The following MEF2A variants were observed in gnomAD, a reference collection of about 807,000 sequenced individuals.
MEF2A encodes myocyte enhancer factor 2A.
MEF2A carries 28 observed loss-of-function variants against 55.8 expected under a neutral mutation model. That is an observed-to-expected ratio of 0.50 (90% CI 0.37 to 0.69). MEF2A has a LOEUF of 0.69. Among genes scored for constraint, MEF2A ranks in the 30% least tolerant of loss-of-function variants. The pLI, the probability that MEF2A is intolerant of heterozygous loss-of-function variation, is 0.00. For missense variants in MEF2A, 528 were observed against 626.2 expected (o/e 0.84, Z 1.67); for synonymous variants, 239 against 227.1 (o/e 1.05, Z -0.47).
chr15:99,653,136 C>A lies in MEF2A; in HGVS notation c.258+7372C>A, dbSNP rs560601509. ...AGAAGTTCATTTAGGGCAGAAGATA[C>A]TAGGTGCTTCCCGTGTTTCTCAATG... is the stretch of plus-strand genomic sequence containing the variant. On this transcript the variant is annotated intron_variant, in intron 4 of 11. Coordinates refer to ENST00000557942, the MANE Select transcript of MEF2A (RefSeq NM_001319206.4). 2.5e-4 allele frequency among the ~76,000 whole-genome samples: 38 copies of A among 152,290 alleles called. 2 individuals carry two copies. The highest frequency in any genetic ancestry group is 2.0e-3 in the Admixed American group (30 of 15,292).
At chr15:99,683,183 C>T (rs2053559590) in intron 7 of MEF2A, among the ~76,000 whole-genome samples, 1 of 152,162 alleles carries the variant, frequency 6.6e-6, no homozygotes, top group Non-Finnish European at 1.5e-5. Flanking sequence ...GGAAATTACT[C>T]TATGGGGTGT....
rs527619230 is a variant in MEF2A, at chr15:99,633,113, A to G, written c.-7A>G. ...GAATATAAGGAAATAAGGAAAGTTG[A>G]CTGAAAATGGGGCGGAAGAAAATAC... On this transcript the variant is annotated 5_prime_UTR_variant, in exon 3 of 12. Coordinates refer to ENST00000557942, the MANE Select transcript of MEF2A (RefSeq NM_001319206.4). 5 of 1,601,076 alleles carry G rather than the reference A, an allele frequency of 3.1e-6. No homozygotes were observed. The East Asian group carries it at 6.8e-5, about 22-fold the overall frequency.
At chr15:99,580,176 G>A (rs995275849) in intron 1 of MEF2A, among the ~76,000 whole-genome samples, 1 of 152,106 alleles carries the variant, frequency 6.6e-6, no homozygotes, top group Non-Finnish European at 1.5e-5. Context: ...GAGAGTTTGG[G>A]GGATCAGTCA....
At chr15:99,642,721 ATTTC>A (rs2153463727) in intron 3 of MEF2A, among the ~76,000 whole-genome samples, 1 of 152,262 alleles carries the variant, frequency 6.6e-6, no homozygotes, top group African/African-American at 2.4e-5. Flanking sequence ...TTCTTCACTT[ATTTC>A]ATGGGCTTCT....
chr15:99,678,929 T>C (rs1314184494), intron 7 of MEF2A, among the ~76,000 whole-genome samples: 1 of 152,172 alleles, frequency 6.6e-6, no homozygotes, highest in Non-Finnish European at 1.5e-5. Context: ...AACTCGACTT[T>C]TGAAAATGTG....
intron 10 of MEF2A, among the ~76,000 whole-genome samples, chr15:99,709,328 A>C (rs948158149): frequency 1.3e-5 from 2 of 152,228 alleles, no homozygotes; most frequent in African/African-American, 4.8e-5. Context: ...AAGAGTACTT[A>C]AGGAGGAACA....
chr15:99,651,121 A>G (rs2046780918), intron 4 of MEF2A, among the ~76,000 whole-genome samples: 1 of 152,184 alleles, frequency 6.6e-6, no homozygotes, highest in Non-Finnish European at 1.5e-5. Flanking sequence ...CACCTAAGGA[A>G]TACATTTCTA....
chr15:99,636,201 C>T (rs964649807), intron 3 of MEF2A, among the ~76,000 whole-genome samples: 2 of 151,756 alleles, frequency 1.3e-5, no homozygotes, highest in African/African-American at 4.8e-5. Flanking sequence ...TGTGACTAGT[C>T]TGTTCACTTC....
intron 3 of MEF2A, among the ~76,000 whole-genome samples, chr15:99,637,666 G>A (rs574418136): frequency 2.0e-5 from 3 of 151,596 alleles, no homozygotes; most frequent in Middle Eastern, 3.4e-3. Flanking sequence ...TGTGTAAGAC[G>A]GAGTCTCGCT....
intron 2 of MEF2A, among the ~76,000 whole-genome samples, chr15:99,625,903 C>CAT (rs983905005): frequency 2.6e-5 from 4 of 152,010 alleles, no homozygotes; most frequent in African/African-American, 4.8e-5. Context: ...CGTGTCTATT[C>CAT]ATAGGGTATA....
At chr15:99,567,329 A>T (rs1960102870) in intron 1 of MEF2A, among the ~76,000 whole-genome samples, 1 of 152,184 alleles carries the variant, frequency 6.6e-6, no homozygotes, top group Admixed American at 6.5e-5. Flanking sequence ...TATGTTTCCC[A>T]TGTGTCTTGT....
chr15:99,714,320 A>G lies in MEF2A; in HGVS notation c.*1549A>G, dbSNP rs1407982375. 1 of 152,254 alleles carries G rather than the reference A, an allele frequency of 6.6e-6. No homozygotes were observed. Among genetic ancestry groups the G allele is most frequent in the Non-Finnish European group, 1.5e-5 (1 of 68,040 alleles). 9.4% of individuals were successfully genotyped at this position (152,254 alleles called of 1,614,324 possible). ...GACCTAATTTAATTAATATTAGAGA[A>G]AATGGCAAAATAGTAGATGAGCACA... On this transcript the variant is annotated 3_prime_UTR_variant, in exon 12 of 12. Transcript: ENST00000557942.
At chr15:99,600,941 A>G (rs902986463) in intron 2 of MEF2A, among the ~76,000 whole-genome samples, 6 of 152,190 alleles carry the variant, frequency 3.9e-5, no homozygotes, top group African/African-American at 1.2e-4. Context: ...AAAAAGCCTA[A>G]CAGGATCTTG....
chr15:99,671,756 G>A (rs1315768017), intron 5 of MEF2A: 1 of 1,246,326 alleles, frequency 8.0e-7, no homozygotes, highest in East Asian at 2.6e-5. Flanking sequence ...ACAACAATAA[G>A]TAGAAGGGAA....
chr15:99,614,928 C>G (rs78318644), intron 2 of MEF2A, among the ~76,000 whole-genome samples: 1 of 152,212 alleles, frequency 6.6e-6, no homozygotes, highest in East Asian at 1.9e-4. Flanking sequence ...AGAGGAGTGA[C>G]AGGATAAGGC....
intron 2 of MEF2A, among the ~76,000 whole-genome samples, chr15:99,617,585 A>G (rs142333020): frequency 5.3e-4 from 81 of 152,322 alleles, no homozygotes; most frequent in Non-Finnish European, 1.1e-3. Context: ...TTCTGCTGCA[A>G]GTAACAGAGG....
At chr15:99,607,436 A>C (rs899284016) in intron 2 of MEF2A, among the ~76,000 whole-genome samples, 2 of 152,212 alleles carry the variant, frequency 1.3e-5, no homozygotes, top group African/African-American at 2.4e-5. Flanking sequence ...CTTAGAGCAC[A>C]TTTATCAGGT....
In MEF2A at chr15:99,712,467, T is replaced by C; in HGVS notation, c.1214T>C (p.Ile405Thr). ...AACATCAGCATCAAGTCCGAACCGA[T>C]TTCACCTCCTCGGGATCGTATGACC... is the stretch of plus-strand genomic sequence containing the variant. ...NQNISIKSEPISPPRDRMTPS... is the reference protein window; with the variant it reads ...NQNISIKSEPTSPPRDRMTPS... The change falls in exon 12 of 12, where the codon ATT becomes ACT. Residue 405 changes from isoleucine to threonine, a missense_variant. By Grantham distance (89) the Ile-to-Thr change is moderately conservative (BLOSUM62 -1). Transcript: ENST00000557942. The surrounding 1 kb of genome is among the most constrained non-coding windows in gnomAD (Gnocchi z 4.1). 1 of 1,551,602 alleles carries C rather than the reference T, an allele frequency of 6.4e-7. No homozygotes were observed. The highest frequency in any genetic ancestry group is 1.7e-4 in the Middle Eastern group (1 of 5,992).
intron 2 of MEF2A, among the ~76,000 whole-genome samples, chr15:99,601,531 G>A (rs1448295528): frequency 2.6e-4 from 21 of 81,472 alleles, no homozygotes; most frequent in African/African-American, 8.1e-4. Flanking sequence ...TTTTTTTTTC[G>A]TTTTCACGAG....
Sources: gnomAD v4.1 joint callset for allele counts (sites outside exome capture counted in the v4.1 genomes callset) on GRCh38, gnomAD v4.1.1 for gene constraint, Gnocchi (gnomAD v3.1) non-coding constraint, MANE v1.5 for transcripts, NCBI Gene and HGNC (gene_info 2026-07-23, HGNC 2026-07-21) for gene names.